The following MACROD2 variants were observed in gnomAD, a reference collection of about 807,000 sequenced individuals.
MACROD2 encodes ADP-ribose glycohydrolase MACROD2.
A neutral mutation model predicts 70.4 loss-of-function variants in MACROD2; 36 were observed. The ratio of observed to expected loss-of-function variants is 0.51; its 90% CI spans 0.39 to 0.68. The LOEUF (loss-of-function observed/expected upper bound fraction) is 0.68. Ranked by LOEUF, MACROD2 falls within the 30% of genes least tolerant of loss-of-function variation. The pLI is 0.00. For missense variants in MACROD2, 496 were observed against 538.4 expected (o/e 0.92, Z 0.78); for synonymous variants, 172 against 178.8 (o/e 0.96, Z 0.30).
At chr20:14,966,702 A>G (rs932913726) in intron 5 of MACROD2, among the ~76,000 whole-genome samples, 3 of 152,144 alleles carry the variant, frequency 2.0e-5, no homozygotes, top group Non-Finnish European at 4.4e-5. Flanking sequence ...GATTCATACT[A>G]TATGTTCTCT....
chr20:14,447,071 T>C (rs2084190926), intron 3 of MACROD2, among the ~76,000 whole-genome samples: 1 of 152,020 alleles, frequency 6.6e-6, no homozygotes, highest in African/African-American at 2.4e-5. Flanking sequence ...CAGGCTGGAG[T>C]GCAGTGGTGC....
chr20:14,490,900 C>G (rs879809298), intron 3 of MACROD2, among the ~76,000 whole-genome samples: 4 of 152,152 alleles, frequency 2.6e-5, no homozygotes, highest in Non-Finnish European at 4.4e-5. Flanking sequence ...AAGAAATTGA[C>G]TAAACCTACC....
At chr20:16,038,149 G>C (rs2067259535) in intron 15 of MACROD2, among the ~76,000 whole-genome samples, 2 of 141,674 alleles carry the variant, frequency 1.4e-5, no homozygotes, top group Admixed American at 1.5e-4. Flanking sequence ...GAAGTTAATG[G>C]ATCTTTATTC....
chr20:14,849,443 G>C (rs553162899), intron 5 of MACROD2, among the ~76,000 whole-genome samples: 1 of 152,100 alleles, frequency 6.6e-6, no homozygotes, highest in Non-Finnish European at 1.5e-5. Context: ...CAGCAGTAGG[G>C]AGTGAAGTCT....
chr20:14,824,251 T>TA (rs2072878068), intron 5 of MACROD2, among the ~76,000 whole-genome samples: 1 of 152,124 alleles, frequency 6.6e-6, no homozygotes, highest in Non-Finnish European at 1.5e-5. Flanking sequence ...CTAGTCATGG[T>TA]ATTGCATACT....
In MACROD2 at chr20:14,673,695, G is replaced by C. The variant is rs1368285226; in HGVS notation, c.302-11148G>C. ...GCACTTTGGGAGGCTGAAGCAGGTG[G>C]ATCACTTGAGGTGAGGAGTTCGACA... On this transcript the variant is annotated intron_variant, in intron 4 of 17. Coordinates refer to ENST00000684519, the MANE Select transcript of MACROD2 (RefSeq NM_001351661.2). Among the ~76,000 whole-genome samples, 3 of 152,148 alleles carry C rather than the reference G, an allele frequency of 2.0e-5. No homozygotes were observed. The East Asian group carries it at 5.8e-4, about 29-fold the overall frequency.
chr20:15,658,770 C>T (rs1024055315), intron 8 of MACROD2, among the ~76,000 whole-genome samples: 7 of 152,142 alleles, frequency 4.6e-5, no homozygotes, highest in Non-Finnish European at 7.3e-5. Flanking sequence ...GCTTGACAAA[C>T]TCTAATATAG....
intron 15 of MACROD2, among the ~76,000 whole-genome samples, chr20:16,013,726 A>G (rs369201939): frequency 9.9e-5 from 15 of 152,232 alleles, no homozygotes; most frequent in African/African-American, 3.4e-4. Flanking sequence ...GGAGAGAGAC[A>G]GAGAAAGTAA....
chr20:15,625,367 G>A (rs1415606761), intron 8 of MACROD2, among the ~76,000 whole-genome samples: 1 of 152,162 alleles, frequency 6.6e-6, no homozygotes, highest in Non-Finnish European at 1.5e-5. Flanking sequence ...CTTGCTGCAT[G>A]CTGGGTTCGG....
rs560901665 is a variant in MACROD2 at position 14,277,251 on chromosome 20, C to G, written c.271+191523C>G. Among the ~76,000 whole-genome samples, 5 of 152,222 alleles carry G rather than the reference C, an allele frequency of 3.3e-5. No homozygotes were observed. In the South Asian group the frequency reaches 1.0e-3, roughly 32 times the overall value. ...GATCGTGAGTTCAGGAGAGTAAGAC[C>G]ATCCTGGCCAACATGGTGAAACCCC... is the stretch of plus-strand genomic sequence containing the variant. On this transcript the variant is annotated intron_variant, in intron 3 of 17. Coordinates refer to ENST00000684519, the MANE Select transcript of MACROD2 (RefSeq NM_001351661.2).
intron 6 of MACROD2, among the ~76,000 whole-genome samples, chr20:15,397,526 C>T (rs1225893451): frequency 8.5e-5 from 13 of 152,106 alleles, no homozygotes; most frequent in Admixed American, 7.9e-4. Context: ...TCTTGATCTC[C>T]TGGACTCAAG....
At chr20:14,401,749 T>C (rs75827606) in intron 3 of MACROD2, among the ~76,000 whole-genome samples, 2,203 of 152,194 alleles carry the variant, frequency 0.014, 48 homozygotes, top group African/African-American at 0.05. Context: ...TGTTTTTTTT[T>C]CCCCAATACA....
At chr20:15,588,307 C>T (rs536194004) in intron 8 of MACROD2, among the ~76,000 whole-genome samples, 19 of 152,236 alleles carry the variant, frequency 1.2e-4, no homozygotes, top group East Asian at 1.2e-3. Flanking sequence ...ATCCTGGGCC[C>T]AGCCCACAAA....
chr20:14,614,833 A>G (rs1983382526), intron 4 of MACROD2, among the ~76,000 whole-genome samples: 1 of 152,132 alleles, frequency 6.6e-6, no homozygotes, highest in African/African-American at 2.4e-5. Context: ...TGTTCCAAAG[A>G]GTTTATAATT....
chr20:14,530,090 C>T (rs1404678320), intron 4 of MACROD2, among the ~76,000 whole-genome samples: 1 of 152,168 alleles, frequency 6.6e-6, no homozygotes, highest in Admixed American at 6.5e-5. Context: ...TACAGAATTA[C>T]ATGCAGAGTT....
At chr20:15,900,324 G>C (rs1288235304) in intron 10 of MACROD2, among the ~76,000 whole-genome samples, 2 of 152,106 alleles carry the variant, frequency 1.3e-5, no homozygotes, top group East Asian at 3.9e-4. Flanking sequence ...AAGAATTTAA[G>C]CAAAATGTGT....
chr20:15,389,423 C>T (rs911685864), intron 6 of MACROD2, among the ~76,000 whole-genome samples: 9 of 152,120 alleles, frequency 5.9e-5, no homozygotes, highest in South Asian at 2.1e-4. Flanking sequence ...GAAGAAATTA[C>T]AGAAAGAAAA....
intron 8 of MACROD2, among the ~76,000 whole-genome samples, chr20:15,823,318 G>GTGTGTGTGTGTGTC (rs2063961446): frequency 6.8e-6 from 1 of 147,558 alleles, no homozygotes; most frequent in Non-Finnish European, 1.5e-5. Context: ...GTGTGTGTGT[G>GTGTGTGTGTGTGTC]TGTCTATAGC....
intron 5 of MACROD2, among the ~76,000 whole-genome samples, chr20:15,118,547 T>C (rs1477261391): frequency 6.6e-6 from 1 of 152,134 alleles, no homozygotes; most frequent in East Asian, 1.9e-4. Flanking sequence ...AAGCACTGAA[T>C]CCTGACTGTA....
Sources: gnomAD v4.1 joint callset for allele counts (sites outside exome capture counted in the v4.1 genomes callset) on GRCh38, gnomAD v4.1.1 for gene constraint, MANE v1.5 for transcripts, NCBI Gene and HGNC (gene_info 2026-07-23, HGNC 2026-07-21) for gene names.